PSD4: variants seen among roughly 807,000 people sequenced by gnomAD.
PSD4 encodes the protein PH and SEC7 domain-containing protein 4.
PSD4 carries 59 observed loss-of-function variants against 112.5 expected under a neutral mutation model. The observed-to-expected ratio is 0.52, with a 90% CI of 0.43 to 0.65. The LOEUF (loss-of-function observed/expected upper bound fraction) is 0.65, where lower values mean the gene tolerates loss of function less well. PSD4 is among the 30% of genes least tolerant of loss of function. The probability of loss-of-function intolerance (pLI) is 0.00; values close to 1 mark genes in which losing one functional copy is unlikely to be tolerated. For missense variants in PSD4, 1,267 were observed against 1,352.6 expected, an observed-to-expected ratio of 0.94 and a Z score of 0.99; for synonymous variants, 533 against 540.0, an observed-to-expected ratio of 0.99 and a Z score of 0.18.
At position 113,183,088 on chromosome 2, in the gene PSD4, CAG is replaced by C; in HGVS notation, c.633_634del (p.Glu213ArgfsTer4). On this transcript the variant is annotated frameshift_variant, in exon 2 of 17. Transcript: ENST00000245796. LOFTEE classifies it high-confidence loss of function. ...TCCAGCCCACCTGAGAATGAAGACT[CAG>C]GGGAAGACAGCAGTGAGCCTGAGGG... 1 of 1,613,138 alleles carries C rather than the reference CAG, an allele frequency of 6.2e-7. No individual in the cohort carries two copies. The highest frequency in any genetic ancestry group is 8.5e-7 in the Non-Finnish European group (1 of 1,179,370).
intron 6 of PSD4, 59 bp downstream of exon 6, chr2:113,192,648 G>A: frequency 3.2e-6 from 5 of 1,556,398 alleles, no homozygotes; most frequent in Non-Finnish European, 4.4e-6. Context: ...AGGAGCTGCT[G>A]AAGGGCTCCC....
chr2:113,181,473 G>T (rs1331864490), intron 1 of PSD4, among the ~76,000 whole-genome samples: 1 of 152,218 alleles, frequency 6.6e-6, no homozygotes, highest in African/African-American at 2.4e-5. Flanking sequence ...AAAACACCCT[G>T]CGAGGTTCCT....
Position 113,195,751 on chromosome 2 carries a change from G to A in PSD4, c.2206G>A (p.Glu736Lys), listed in dbSNP as rs182495959. The part of the protein sequence containing the change: ...LKALYWSIRS[E>K]KLEWAVDEED... ...GGCCCTCTACTGGTCTATCCGCAGC[G>A]AGAAGCTCGAGTGGGCCGTGTGAGT... Residue 736 changes from glutamate to lysine, a missense_variant, in exon 11 of 17, where the codon GAG becomes AAG. Around this residue, in one of 2 missense-constraint regions of PSD4, gnomAD observed 544 missense variants for 648.6 expected, o/e 0.84. Transcript: ENST00000245796. The A allele has an allele frequency of 8.7e-6, 14 of 1,614,162 alleles. No homozygotes were observed. Among genetic ancestry groups the A allele is most frequent in the East Asian group, 4.5e-5 (2 of 44,874 alleles).
rs1688822373 is a variant in PSD4 at position 113,203,578 on chromosome 2, TTTGG to T, written c.*2164_*2167del. On this transcript the variant is annotated 3_prime_UTR_variant, in exon 17 of 17. Coordinates refer to ENST00000245796, the MANE Select transcript of PSD4 (RefSeq NM_012455.3). ...TTTTTTTTTTTTTTTTTTTTTTTTT[TTTGG>T]AGACGGAGTTTCGCTCTTGTAACCC... 10 of 35,274 alleles carry T rather than the reference TTTGG, an allele frequency of 2.8e-4. No individual in the cohort carries two copies. Among genetic ancestry groups the T allele is most frequent in the East Asian group, 2.0e-3 (2 of 992 alleles). The allele number at this position is 35,274 out of a possible 1,614,324, so 2.2% of individuals were successfully genotyped here.
intron 11 of PSD4, 151 bp downstream of exon 11, chr2:113,195,921 G>A (rs1688595953): frequency 1.7e-6 from 2 of 1,190,556 alleles, no homozygotes; most frequent in Non-Finnish European, 2.4e-6. Flanking sequence ...TGGGGAGAGA[G>A]CATAGAGGAG....
chr2:113,196,456 A>T, intron 12 of PSD4, 149 bp downstream of exon 12: 5 of 1,021,246 alleles, frequency 4.9e-6, no homozygotes, highest in Non-Finnish European at 7.0e-6. Flanking sequence ...CGTACTGAAC[A>T]GTGACCATGT....
In PSD4 at chr2:113,207,371, T is replaced by C. The variant is rs1227888634; in HGVS notation, c.*5956T>C. On this transcript the variant is annotated 3_prime_UTR_variant, in exon 17 of 17. Transcript: ENST00000245796. ...AACCGACTAATATGCAGATGCCCTT[T>C]CCTCCAAGAGGCCTTCCCTAAGTCT... 1 of 151,750 alleles carries C rather than the reference T, an allele frequency of 6.6e-6. No homozygotes were observed. Among genetic ancestry groups the C allele is most frequent in the Non-Finnish European group, 1.5e-5 (1 of 67,996 alleles). The allele number at this position is 151,750 out of a possible 1,614,324, so 9.4% of individuals were successfully genotyped here.
At chr2:113,179,127 G>A (rs778162281) in intron 1 of PSD4, among the ~76,000 whole-genome samples, 1 of 152,192 alleles carries the variant, frequency 6.6e-6, no homozygotes, top group Non-Finnish European at 1.5e-5. Context: ...CACCAGGCAG[G>A]TTTGGGGAGG....
In PSD4 at chr2:113,201,874, C is replaced by G. The variant is rs531865229; in HGVS notation, c.*459C>G. ...AGCCCAGCCAGGGGAGCCACAGCCC[C>G]AAGGATGGTCTTGCTCTGGGAATTA... On this transcript the variant is annotated 3_prime_UTR_variant, in exon 17 of 17. Transcript: ENST00000245796. 6 of 166,170 alleles carry G rather than the reference C, an allele frequency of 3.6e-5. No homozygotes were observed. The highest frequency in any genetic ancestry group is 3.0e-4 in the South Asian group (2 of 6,610). 10.3% of individuals were successfully genotyped at this position (166,170 alleles called of 1,614,324 possible).
intron 11 of PSD4, among the ~76,000 whole-genome samples, 186 bp downstream of exon 11, chr2:113,195,956 G>A (rs1558654476): frequency 2.0e-5 from 3 of 152,180 alleles, no homozygotes; most frequent in Admixed American, 2.0e-4. Flanking sequence ...GAGGGCCAGA[G>A]GTAGTGGGGC....
In PSD4 at chr2:113,193,581, C is replaced by G; in HGVS notation, c.2033-11C>G. The G allele has an allele frequency of 6.2e-7, 1 of 1,611,798 alleles. No individual in the cohort carries two copies. The highest frequency in any genetic ancestry group is 8.5e-7 in the Non-Finnish European group (1 of 1,177,846). On this transcript the variant is annotated splice_polypyrimidine_tract_variant and intron_variant, in intron 8 of 16. Coordinates refer to ENST00000245796, the MANE Select transcript of PSD4 (RefSeq NM_012455.3). ...ATGAGCTTTCTCTCCACTTACCTAT[C>G]TCTGGGGTAGATTCTGTACACACCT...
intron 1 of PSD4, 136 bp downstream of exon 1, chr2:113,174,190 G>C (rs887436907): frequency 6.6e-6 from 1 of 152,554 alleles, no homozygotes; most frequent in East Asian, 1.9e-4. Context: ...TGGCAGTGCC[G>C]TGTGCACCTG....
chr2:113,184,961 A>G lies in PSD4; in HGVS notation c.1061A>G (p.Asp354Gly), dbSNP rs754380268. 6.2e-7 allele frequency: 1 copy of G among 1,613,924 alleles called. No individual in the cohort carries two copies. Among genetic ancestry groups the G allele is most frequent in the Admixed American group, 1.7e-5 (1 of 60,006 alleles). ...APPGHGESEGDRLGPAPSAAP... is the reference protein window; with the variant it reads ...APPGHGESEGGRLGPAPSAAP... ...GTCTCTCTCTCGACTTCTCAGGGAGATAGGCTTGGTCCTGCTCCATCTGCA... is the reference window on the plus strand; with the variant it reads ...GTCTCTCTCTCGACTTCTCAGGGAGGTAGGCTTGGTCCTGCTCCATCTGCA... Residue 354 changes from aspartate to glycine, a missense_variant, in exon 3 of 17, where the codon GAT (aspartate) becomes GGT (glycine). Asp to Gly is a moderately conservative substitution (Grantham distance 94). Coordinates refer to ENST00000245796, the MANE Select transcript of PSD4 (RefSeq NM_012455.3).
intron 11 of PSD4, 65 bp from the exon 12 acceptor site, chr2:113,196,082 G>T: frequency 6.4e-7 from 1 of 1,555,114 alleles, no homozygotes; most frequent in Non-Finnish European, 8.8e-7. Context: ...GCTCTGGGAG[G>T]CAATGGATAC....
chr2:113,185,996 G>A lies in PSD4; in HGVS notation c.1369G>A (p.Gly457Ser), dbSNP rs267598843. The A allele has an allele frequency of 3.1e-6, 5 of 1,614,154 alleles. No individual in the cohort carries two copies. The highest frequency in any genetic ancestry group is 4.2e-6 in the Non-Finnish European group (5 of 1,179,986). The change falls in exon 5 of 17, where the codon GGT (glycine) becomes AGT (serine). Residue 457 changes from glycine to serine, a missense_variant. Physicochemically the swap from Gly to Ser is moderately conservative, Grantham distance 56. Coordinates refer to ENST00000245796, the MANE Select transcript of PSD4 (RefSeq NM_012455.3). ...SSPESESRGP[G>S]PRPSPASSQE... ...CCCAGAATCTGAGAGCAGAGGCCCTGGTCCCAGGCCCAGCCCTGCATCGTC... is the reference window on the plus strand; with the variant it reads ...CCCAGAATCTGAGAGCAGAGGCCCTAGTCCCAGGCCCAGCCCTGCATCGTC...
chr2:113,208,697 A>T lies in PSD4; in HGVS notation c.*7282A>T, dbSNP rs1688899237. ...GCTTTCCCTGTGCAGGCTTGCTGAC[A>T]GTCTTGCCCACCACTCCTGGCCTCC... is the stretch of plus-strand genomic sequence containing the variant. On this transcript the variant is annotated 3_prime_UTR_variant, in exon 17 of 17. Coordinates refer to ENST00000245796, the MANE Select transcript of PSD4 (RefSeq NM_012455.3). The T allele has an allele frequency of 6.6e-6, 1 of 152,216 alleles. No individual in the cohort carries two copies. Among genetic ancestry groups the T allele is most frequent in the African/African-American group, 2.4e-5 (1 of 41,446 alleles). 9.4% of individuals were successfully genotyped at this position (152,216 alleles called of 1,614,324 possible). A position where few individuals can be genotyped will look rare whatever the true frequency, so the allele number is the denominator to read the frequency against.
chr2:113,186,074 T>G lies in PSD4; in HGVS notation c.1447T>G (p.Trp483Gly). 6.2e-7 allele frequency: 1 copy of G among 1,614,148 alleles called. No individual in the cohort carries two copies. Among genetic ancestry groups the G allele is most frequent in the Non-Finnish European group, 8.5e-7 (1 of 1,180,030 alleles). Residue 483 changes from tryptophan (W) to glycine (G), a missense_variant, in exon 5 of 17, where the codon TGG becomes GGG. Trp to Gly is a radical substitution (Grantham distance 184). Around this residue, in one of 2 missense-constraint regions of PSD4, gnomAD observed 723 missense variants for 704.0 expected, o/e 1.03. Transcript: ENST00000245796. Reference protein sequence around the residue: ...QHHSSGILPKWTLDASQSSLL... With the variant: ...QHHSSGILPKGTLDASQSSLL... ...CCACAGCTCAGGCATTTTGCCCAAG[T>G]GGACACTAGATGCTTCACAGTCTTC... is the stretch of plus-strand genomic sequence containing the variant.
Position 113,185,036 on chromosome 2 carries a change from C to A in PSD4, c.1136C>A (p.Ser379Tyr). The change falls in exon 3 of 17, where the codon TCT becomes TAT. Residue 379 changes from serine (S) to tyrosine (Y), a missense_variant. Physicochemically the swap from Ser to Tyr is moderately radical, Grantham distance 144. Coordinates refer to ENST00000245796, the MANE Select transcript of PSD4 (RefSeq NM_012455.3). The stretch of plus-strand genomic sequence containing the variant: ...ACCTGGGAATCAGGATGTGTCGGAT[C>A]TGATCTTGGCCCTGCTGCACATCCT... ...ALTWESGCVG[S>Y]DLGPAAHPVQ... 1 of 1,614,274 alleles carries A rather than the reference C, an allele frequency of 6.2e-7. No individual in the cohort carries two copies. The highest frequency in any genetic ancestry group is 8.5e-7 in the Non-Finnish European group (1 of 1,180,048).
chr2:113,179,181 TC>T (rs1688056799), intron 1 of PSD4, among the ~76,000 whole-genome samples: 1 of 152,086 alleles, frequency 6.6e-6, no homozygotes, highest in African/African-American at 2.4e-5. Context: ...AGACAATAGA[TC>T]CTGAGGCTCC....
Sources: gnomAD v4.1 joint callset for allele counts (sites outside exome capture counted in the v4.1 genomes callset) on GRCh38, gnomAD v4.1.1 for gene constraint, gnomAD v4.1.1 regional missense constraint, MANE v1.5 for transcripts, NCBI Gene and HGNC (gene_info 2026-07-23, HGNC 2026-07-21) for gene names.